Variants in AOPEP observed in about 807,000 individuals in gnomAD.
AOPEP encodes the protein aminopeptidase O (putative).
A neutral mutation model predicts 98.1 loss-of-function variants in AOPEP; 77 were observed. The observed-to-expected ratio is 0.78, with a 90% CI of 0.65 to 0.95. The LOEUF (loss-of-function observed/expected upper bound fraction) is 0.95, where lower values mean the gene tolerates loss of function less well. AOPEP is among the 40% of genes least tolerant of loss of function. AOPEP has a pLI of 0.00. For missense variants in AOPEP, 1,024 were observed against 1,024.7 expected, an observed-to-expected ratio of 1.00 and a Z score of 0.01; for synonymous variants, 346 against 365.3, an observed-to-expected ratio of 0.95 and a Z score of 0.60.
At chr9:94,756,526 T>A (rs1286914344) in intron 1 of AOPEP, among the ~76,000 whole-genome samples, 1 of 152,182 alleles carries the variant, frequency 6.6e-6, no homozygotes, top group Admixed American at 6.5e-5. Context: ...GAATAGGGTG[T>A]AATCATTGAA....
At chr9:94,739,788 A>G (rs1478645883) in intron 1 of AOPEP, among the ~76,000 whole-genome samples, 1 of 152,016 alleles carries the variant, frequency 6.6e-6, no homozygotes, top group African/African-American at 2.4e-5. Flanking sequence ...GACCTATTCT[A>G]TTGGTTGGAC....
the AOPEP span, among the ~76,000 whole-genome samples, chr9:95,147,727 GT>G: frequency 3.3e-5 from 5 of 152,262 alleles, no homozygotes; most frequent in South Asian, 1.0e-3. Flanking sequence ...TATGGTGCAA[GT>G]TAACTGCCAC....
chr9:94,917,971 G>A (rs80269264), intron 5 of AOPEP, among the ~76,000 whole-genome samples: 2 of 151,422 alleles, frequency 1.3e-5, no homozygotes, highest in Admixed American at 6.6e-5. Flanking sequence ...TCTTTTTATC[G>A]GTTTCCCCAT....
At chr9:94,905,726 TC>T (rs1045235844) in intron 5 of AOPEP, among the ~76,000 whole-genome samples, 1 of 152,134 alleles carries the variant, frequency 6.6e-6, no homozygotes, top group African/African-American at 2.4e-5. Context: ...ACAGAGGACT[TC>T]CAGTAAAAGC....
the AOPEP span, among the ~76,000 whole-genome samples, chr9:95,102,424 G>A: frequency 2.0e-5 from 3 of 152,226 alleles, no homozygotes; most frequent in South Asian, 2.1e-4. Context: ...GTGCCTGTAA[G>A]TATTTTCCTA....
chr9:95,041,110 A>C (rs1224142984), intron 13 of AOPEP, among the ~76,000 whole-genome samples: 1 of 152,176 alleles, frequency 6.6e-6, no homozygotes, highest in Non-Finnish European at 1.5e-5. Context: ...GCAATAAATA[A>C]CAGGCTCTCA....
At chr9:95,041,901 A>G (rs899398069) in intron 13 of AOPEP, among the ~76,000 whole-genome samples, 1 of 152,176 alleles carries the variant, frequency 6.6e-6, no homozygotes, top group Non-Finnish European at 1.5e-5. Context: ...TTCAACCTTC[A>G]GAACTGAGCC....
intron 14 of AOPEP, among the ~76,000 whole-genome samples, chr9:95,066,039 G>A (rs1362022429): frequency 1.3e-5 from 2 of 152,060 alleles, no homozygotes; most frequent in Non-Finnish European, 2.9e-5. Context: ...AAGGGATTGG[G>A]GTAATTGTCT....
At chr9:94,757,694 C>T (rs1457712056) in intron 1 of AOPEP, among the ~76,000 whole-genome samples, 2 of 152,054 alleles carry the variant, frequency 1.3e-5, no homozygotes, top group South Asian at 2.1e-4. Context: ...ATAGTTTAGC[C>T]AGCCACTAAA....
rs887811157 is a variant in AOPEP, at chr9:94,980,491, A to G, written c.1977+1064A>G. Among the ~76,000 whole-genome samples the G allele has an allele frequency of 3.3e-5, 5 of 152,166 alleles. No homozygotes were observed. The highest frequency in any genetic ancestry group is 1.2e-4 in the African/African-American group (5 of 41,446). On this transcript the variant is annotated intron_variant, in intron 11 of 16. Coordinates refer to ENST00000375315, the MANE Select transcript of AOPEP (RefSeq NM_001193329.3). The surrounding 1 kb of genome is among the most constrained non-coding windows in gnomAD (Gnocchi z 4.3). Reference sequence around the variant, plus strand: ...GTGAACCATGAAATGAAGGGACAGGAGGGGCTGTTCTCCATTACCTTTTCA... The same window carrying G: ...GTGAACCATGAAATGAAGGGACAGGGGGGGCTGTTCTCCATTACCTTTTCA...
chr9:95,132,248 C>G, the AOPEP span, among the ~76,000 whole-genome samples: 1 of 152,220 alleles, frequency 6.6e-6, no homozygotes, highest in Non-Finnish European at 1.5e-5. Flanking sequence ...GCCACCCTGA[C>G]ACCCTGCAGA....
At chr9:94,830,796 A>G (rs1855795322) in intron 5 of AOPEP, among the ~76,000 whole-genome samples, 1 of 152,180 alleles carries the variant, frequency 6.6e-6, no homozygotes, top group African/African-American at 2.4e-5. Flanking sequence ...CATTTCTCTA[A>G]TGACCAGTGA....
At chr9:94,834,779 C>T (rs577173180) in intron 5 of AOPEP, among the ~76,000 whole-genome samples, 8 of 151,448 alleles carry the variant, frequency 5.3e-5, no homozygotes, top group South Asian at 2.1e-4. Context: ...GGCAACAGAG[C>T]GAGACTGTCT....
intron 5 of AOPEP, among the ~76,000 whole-genome samples, chr9:94,887,138 C>T (rs906088119): frequency 2.0e-5 from 3 of 151,512 alleles, no homozygotes; most frequent in Non-Finnish European, 4.4e-5. Flanking sequence ...CTCAGGAGTT[C>T]GAGACCAGCC....
At chr9:94,750,756 C>CTT (rs536762614) in intron 1 of AOPEP, among the ~76,000 whole-genome samples, 5,742 of 130,868 alleles carry the variant, frequency 0.044, 272 homozygotes, top group South Asian at 0.089. Flanking sequence ...TCTTTTCTTT[C>CTT]TTTTTTTTTT....
intron 3 of AOPEP, among the ~76,000 whole-genome samples, chr9:94,790,265 C>G (rs1376325061): frequency 6.6e-6 from 1 of 152,008 alleles, no homozygotes; most frequent in Admixed American, 6.5e-5. Context: ...CTCCCAGGTT[C>G]AAGCTATTCT....
At chr9:94,991,411 G>A (rs917494206) in intron 11 of AOPEP, among the ~76,000 whole-genome samples, 25 of 152,340 alleles carry the variant, frequency 1.6e-4, no homozygotes, top group African/African-American at 6.0e-4. Context: ...GTCTTAGAGT[G>A]CAGTGCGTCT....
At chr9:95,026,768 TAGA>T (rs937401287) in intron 13 of AOPEP, among the ~76,000 whole-genome samples, 1 of 152,218 alleles carries the variant, frequency 6.6e-6, no homozygotes, top group African/African-American at 2.4e-5. Context: ...TTAAGAAGCC[TAGA>T]TTGTTTTCCA....
In AOPEP at chr9:95,082,826, CAAT is replaced by C. The variant is rs571514783; in HGVS notation, c.*4+109_*4+111del. 1.1e-4 allele frequency: 145 copies of C among 1,290,838 alleles called. No individual in the cohort carries two copies. The African/African-American group carries it at 2.0e-3, about 18-fold the overall frequency. 80.0% of individuals were successfully genotyped at this position (1,290,838 alleles called of 1,614,324 possible). A position where few individuals can be genotyped will look rare whatever the true frequency, so the allele number is the denominator to read the frequency against. Reference sequence around the variant, plus strand: ...AGTTAGCCAAGACTACCCGCAGCATCAATAGTCGGCTCCCTGGCCCAGGGCCTG... The same window carrying C: ...AGTTAGCCAAGACTACCCGCAGCATCAGTCGGCTCCCTGGCCCAGGGCCTG... On this transcript the variant is annotated intron_variant, in intron 16 of 16. Transcript: ENST00000375315.
Sources: gnomAD v4.1 joint callset for allele counts (sites outside exome capture counted in the v4.1 genomes callset) on GRCh38, gnomAD v4.1.1 for gene constraint, Gnocchi (gnomAD v3.1) non-coding constraint, MANE v1.5 for transcripts, NCBI Gene and HGNC (gene_info 2026-07-23, HGNC 2026-07-21) for gene names.